Variants in ZNF7 observed in about 807,000 individuals in gnomAD.
The protein encoded by ZNF7 is zinc finger protein 7, also known as C2-H2 type zinc finger protein.
A neutral mutation model predicts 12.0 loss-of-function variants in ZNF7; 10 were observed. The observed-to-expected ratio is 0.83, with a 90% CI of 0.51 to 1.42. The LOEUF (loss-of-function observed/expected upper bound fraction) is 1.42, where lower values mean the gene tolerates loss of function less well. ZNF7 is among the 40% of genes most tolerant of loss of function. ZNF7 has a pLI of 0.00. For missense variants in ZNF7, 854 were observed against 837.2 expected (o/e 1.02, Z -0.25); for synonymous variants, 334 against 295.0 (o/e 1.13, Z -1.35).
chr8:144,835,793 G>C (rs1291689137), intron 3 of ZNF7: 2 of 152,106 alleles, frequency 1.3e-5, no homozygotes. Flanking sequence ...AATTTTTTGA[G>C]ACAAAGTTTC....
intron 3 of ZNF7, 112 bp downstream of exon 3, chr8:144,829,716 T>G (rs1446107361): frequency 6.6e-6 from 9 of 1,368,696 alleles, no homozygotes; most frequent in Middle Eastern, 2.7e-4. Context: ...CCTTGTGGGC[T>G]CCACAGGGGG....
chr8:144,842,529 T>C lies in ZNF7; in HGVS notation c.1422T>C (p.Cys474=), dbSNP rs148588579. Residue 474 remains cysteine (C), a synonymous_variant, in exon 5 of 5, where the codon TGT becomes TGC. Transcript: ENST00000532777. The part of the protein sequence containing the change: ...TGEKPFKCDE[C]GKGFVQGSHL... ...AAAAACCATTTAAATGTGATGAGTG[T>C]GGCAAAGGCTTTGTTCAGGGCTCAC... is the stretch of plus-strand genomic sequence containing the variant. The C allele has an allele frequency of 6.2e-7, 1 of 1,614,192 alleles. No individual in the cohort carries two copies. Among genetic ancestry groups the C allele is most frequent in the African/African-American group, 1.3e-5 (1 of 75,048 alleles).
chr8:144,844,735 AAC>A (rs1235762896), downstream of ZNF7, among the ~76,000 whole-genome samples: 12 of 148,654 alleles, frequency 8.1e-5, no homozygotes, highest in Non-Finnish European at 1.3e-4. Context: ...AAAAAAAAAA[AAC>A]GAAAATGGGA....
Position 144,841,352 on chromosome 8 carries a change from C to A in ZNF7, c.248-3C>A, listed in dbSNP as rs375375229. 1.3e-6 allele frequency: 2 copies of A among 1,595,952 alleles called. No individual in the cohort carries two copies. Among genetic ancestry groups the A allele is most frequent in the African/African-American group, 1.3e-5 (1 of 74,236 alleles). ...GGAACGTCTTTGTTCCTGTTTATTT[C>A]AGATTCTACGATTAGGACTGAAAAT... On this transcript the variant is annotated splice_polypyrimidine_tract_variant and splice_region_variant and intron_variant, in intron 4 of 4. Transcript: ENST00000532777.
intron 3 of ZNF7, chr8:144,836,053 G>A (rs1828947794): frequency 6.6e-6 from 1 of 152,218 alleles, no homozygotes; most frequent in African/African-American, 2.4e-5. Flanking sequence ...GTATCTAAAA[G>A]TATAAAATTT....
chr8:144,829,456 G>A, intron 2 of ZNF7, 22 bp from the exon 3 acceptor site: 3 of 1,613,928 alleles, frequency 1.9e-6, no homozygotes, highest in Non-Finnish European at 2.5e-6. Flanking sequence ...GATTCCTGGG[G>A]TGCTGGTGTG....
At chr8:144,845,000 G>A (rs1830434248), downstream of ZNF7, among the ~76,000 whole-genome samples, 1 of 152,120 alleles carries the variant, frequency 6.6e-6, no homozygotes, top group South Asian at 2.1e-4. Context: ...GCAGACCACA[G>A]GGTGAAAGGA....
downstream of ZNF7, among the ~76,000 whole-genome samples, chr8:144,845,276 C>T (rs1830449473): frequency 1.3e-5 from 2 of 152,152 alleles, no homozygotes; most frequent in African/African-American, 4.8e-5. Context: ...TCCTTTTGCC[C>T]ACCATTCCCA....
In ZNF7 at chr8:144,830,196, C is replaced by T. The variant is rs139845302; in HGVS notation, c.130+592C>T. ...TGACTAAGCCCTCTGCTGCATCACA[C>T]GCCCGAGAGAGTGCCTGGGCTGGGG... On this transcript the variant is annotated intron_variant, in intron 3 of 4. Coordinates refer to ENST00000532777, the MANE Select transcript of ZNF7 (RefSeq NM_003416.4). Among the ~76,000 whole-genome samples, 412 of 152,330 alleles carry T rather than the reference C, an allele frequency of 2.7e-3. 3 individuals are homozygous for T. The highest frequency in any genetic ancestry group is 9.2e-3 in the African/African-American group (382 of 41,574).
Position 144,843,128 on chromosome 8 carries a change from G to C in ZNF7, c.2021G>C (p.Ser674Thr). ...CNDCGKAFNR[S>T]SRLTQHQKIH... is the part of the protein sequence containing the mutation. ...GACTGTGGCAAAGCTTTTAATCGTA[G>C]CTCAAGGCTTACCCAGCATCAAAAA... The change falls in exon 5 of 5, where the codon AGC becomes ACC. Residue 674 changes from serine to threonine, a missense_variant. Ser to Thr is a moderately conservative substitution (Grantham distance 58). Transcript: ENST00000532777. 6.2e-7 allele frequency: 1 copy of C among 1,606,996 alleles called. No homozygotes were observed. Among genetic ancestry groups the C allele is most frequent in the Non-Finnish European group, 8.5e-7 (1 of 1,177,084 alleles).
At chr8:144,830,528 T>G (rs1350613596) in intron 3 of ZNF7, among the ~76,000 whole-genome samples, 2 of 152,242 alleles carry the variant, frequency 1.3e-5, no homozygotes, top group Admixed American at 1.3e-4. Context: ...TGTTTCTTCA[T>G]TCTGTCTAAG....
intron 4 of ZNF7, chr8:144,837,930 C>T (rs1055203111): frequency 6.7e-5 from 42 of 631,080 alleles, no homozygotes; most frequent in African/African-American, 6.3e-4. Context: ...TCCAGGAGTG[C>T]ATTACTTTCC....
At chr8:144,846,416 GCA>G (rs1830514013), downstream of ZNF7, 6 of 484,566 alleles carry the variant, frequency 1.2e-5, no homozygotes, top group Non-Finnish European at 2.2e-5. Context: ...ATTTGACTGT[GCA>G]CAGTGTCCCT....
intron 4 of ZNF7, among the ~76,000 whole-genome samples, 177 bp downstream of exon 4, chr8:144,837,684 C>T (rs557408116): frequency 6.6e-6 from 1 of 152,290 alleles, no homozygotes; most frequent in African/African-American, 2.4e-5. Context: ...TGTGGGGCTG[C>T]CTTGGGAGAG....
chr8:144,838,365 C>T (rs1222733413), intron 4 of ZNF7: 2 of 544,776 alleles, frequency 3.7e-6, no homozygotes, highest in Non-Finnish European at 6.6e-6. Flanking sequence ...ATCTTGGGGT[C>T]CTCAGCCCTA....
intron 3 of ZNF7, chr8:144,834,835 G>C (rs1828816368): frequency 6.6e-6 from 1 of 151,230 alleles, no homozygotes; most frequent in Non-Finnish European, 1.5e-5. Context: ...CCGCCTCCCA[G>C]GTTCACGCCA....
downstream of ZNF7, among the ~76,000 whole-genome samples, chr8:144,845,559 T>C (rs1830465571): frequency 6.6e-6 from 1 of 152,200 alleles, no homozygotes; most frequent in Non-Finnish European, 1.5e-5. Flanking sequence ...TGCTCAACCC[T>C]AATCTAACAG....
Position 144,842,470 on chromosome 8 carries a change from C to A in ZNF7, c.1363C>A (p.Arg455=). 6.2e-7 allele frequency: 1 copy of A among 1,614,024 alleles called. No homozygotes were observed. Among genetic ancestry groups the A allele is most frequent in the Non-Finnish European group, 8.5e-7 (1 of 1,180,018 alleles). The change falls in exon 5 of 5, where the codon CGG becomes AGG. Residue 455 remains arginine, a synonymous_variant. Coordinates refer to ENST00000532777, the MANE Select transcript of ZNF7 (RefSeq NM_003416.4). ...KCTKAFGCSS[R]LIRHQRTHTG... is the part of the protein sequence containing the mutation. ...TACAAAAGCCTTTGGTTGTAGTTCA[C>A]GGCTTATTCGCCATCAGAGAACTCA...
intron 4 of ZNF7, among the ~76,000 whole-genome samples, chr8:144,839,188 T>C (rs1829517198): frequency 6.6e-6 from 1 of 150,608 alleles, no homozygotes; most frequent in African/African-American, 2.4e-5. Context: ...GGCTGTGACC[T>C]TACTTCCATT....
Sources: gnomAD v4.1 joint callset for allele counts (sites outside exome capture counted in the v4.1 genomes callset) on GRCh38, gnomAD v4.1.1 for gene constraint, MANE v1.5 for transcripts, NCBI Gene and HGNC (gene_info 2026-07-23, HGNC 2026-07-21) for gene names.